Variants in DLD observed in about 807,000 individuals in gnomAD.
The protein encoded by DLD is dihydrolipoamide dehydrogenase, also known as dihydrolipoyl dehydrogenase, mitochondrial.
Under a neutral mutation model 62.2 loss-of-function variants are expected in DLD, and 36 were observed. The ratio of observed to expected loss-of-function variants is 0.58; its 90% CI spans 0.44 to 0.76. DLD has a LOEUF of 0.76. Among genes scored for constraint, DLD ranks in the 30% least tolerant of loss-of-function variants. The pLI, the probability that DLD is intolerant of heterozygous loss-of-function variation, is 0.00. For synonymous variants in DLD, 204 were observed against 199.6 expected (o/e 1.02, Z -0.19); for missense variants, 541 against 608.6 (o/e 0.89, Z 1.17).
intron 2 of DLD, among the ~76,000 whole-genome samples, chr7:107,895,178 T>A (rs961494184): frequency 1.3e-5 from 2 of 152,230 alleles, no homozygotes; most frequent in Non-Finnish European, 2.9e-5. Context: ...ACCTGTGTGC[T>A]GCTGTTCTCC....
intron 11 of DLD, 30 bp from the exon 12 acceptor site, chr7:107,917,894 A>G: frequency 6.2e-7 from 1 of 1,613,818 alleles, no homozygotes; most frequent in Non-Finnish European, 8.5e-7. Context: ...TCTGGCAGTT[A>G]CGTAGATTCT....
rs4564 is a variant in DLD, at chr7:107,919,466, G to A, written c.*207G>A. 297,281 of 476,566 alleles carry A rather than the reference G, an allele frequency of 0.62. 94,588 individuals are homozygous for A. The highest frequency in any genetic ancestry group is 0.86 in the East Asian group (22,948 of 26,614). The allele number at this position is 476,566 out of a possible 1,614,324, so 29.5% of individuals were successfully genotyped here. On this transcript the variant is annotated 3_prime_UTR_variant, in exon 14 of 14. Transcript: ENST00000205402. ...TAGTATTTTGTTTCAGTGCACTAAT[G>A]TGTAAGACAAAAAGCTACTTATTGT... is the stretch of plus-strand genomic sequence containing the variant.
chr7:107,904,838 A>C, intron 5 of DLD, 120 bp from the exon 6 acceptor site: 1 of 732,252 alleles, frequency 1.4e-6, no homozygotes, highest in Non-Finnish European at 2.4e-6. Flanking sequence ...TTACATTTTG[A>C]AACTTTAATA....
At chr7:107,899,396 A>G (rs973600595) in intron 2 of DLD, among the ~76,000 whole-genome samples, 6 of 151,568 alleles carry the variant, frequency 4.0e-5, no homozygotes, top group African/African-American at 1.2e-4. Flanking sequence ...TTACATAGTG[A>G]ATAGGGAAGT....
At chr7:107,909,218 C>A (rs184849182) in intron 8 of DLD, among the ~76,000 whole-genome samples, 1 of 152,258 alleles carries the variant, frequency 6.6e-6, no homozygotes, top group Non-Finnish European at 1.5e-5. Flanking sequence ...TTAATTTAAT[C>A]TTGTTCACTC....
intron 8 of DLD, among the ~76,000 whole-genome samples, chr7:107,907,231 T>A (rs927647802): frequency 6.6e-6 from 1 of 152,180 alleles, no homozygotes; most frequent in African/African-American, 2.4e-5. Flanking sequence ...CTGCCTTTTT[T>A]ATGCTATTTC....
At chr7:107,918,973 C>T in intron 12 of DLD, 37 bp from the exon 13 acceptor site, 2 of 1,578,510 alleles carry the variant, frequency 1.3e-6, no homozygotes, top group Non-Finnish European at 1.7e-6. Flanking sequence ...GTAGTTTTTG[C>T]CTTGGAAGCA....
At chr7:107,893,074 G>T in intron 1 of DLD, 126 bp from the exon 2 acceptor site, 1 of 609,676 alleles carries the variant, frequency 1.6e-6, no homozygotes, top group Non-Finnish European at 2.9e-6. Context: ...GTGTGGCAAT[G>T]GAAGAAGATA....
rs992452328 is a variant in DLD, at chr7:107,903,458, A to T, written c.268-20A>T. 3.5e-6 allele frequency: 5 copies of T among 1,409,788 alleles called. No individual in the cohort carries two copies. Among genetic ancestry groups the T allele is most frequent in the Non-Finnish European group, 5.0e-6 (5 of 995,840 alleles). The allele number at this position is 1,409,788 out of a possible 1,614,324, so 87.3% of individuals were successfully genotyped here. The stretch of plus-strand genomic sequence containing the variant: ...CTGTTTATGAATATTTGATAATTTG[A>T]TCTTTTTAATTTCCTTTAGGCTTTA... On this transcript the variant is annotated intron_variant, in intron 4 of 13. Coordinates refer to ENST00000205402, the MANE Select transcript of DLD (RefSeq NM_000108.5).
chr7:107,899,993 A>G (rs1294280991), intron 2 of DLD, among the ~76,000 whole-genome samples: 2 of 152,048 alleles, frequency 1.3e-5, no homozygotes, highest in East Asian at 1.9e-4. Context: ...ATAAAAATAC[A>G]TTTTATTAGA....
intron 11 of DLD, 111 bp from the exon 12 acceptor site, chr7:107,917,813 C>T (rs768206356): frequency 1.6e-5 from 23 of 1,419,994 alleles, no homozygotes; most frequent in South Asian, 3.5e-5. Flanking sequence ...ATGTGCTTTG[C>T]GAACAATTCC....
At chr7:107,917,863 T>C in intron 11 of DLD, 61 bp from the exon 12 acceptor site, 1 of 1,606,412 alleles carries the variant, frequency 6.2e-7, no homozygotes, top group Non-Finnish European at 8.5e-7. Flanking sequence ...GTAGATGATT[T>C]TACAAATTGG....
chr7:107,906,812 A>G (rs1046290304), intron 8 of DLD, among the ~76,000 whole-genome samples: 17 of 152,134 alleles, frequency 1.1e-4, no homozygotes, highest in Non-Finnish European at 2.5e-4. Context: ...TTTGAACACC[A>G]TGTTATTTTA....
Position 107,905,415 on chromosome 7 carries a change from A to G in DLD, c.493A>G (p.Thr165Ala), listed in dbSNP as rs1259855422. The change falls in exon 7 of 14, where the codon ACG (threonine) becomes GCG (alanine). Residue 165 changes from threonine (T) to alanine (A), a missense_variant. Coordinates refer to ENST00000205402, the MANE Select transcript of DLD (RefSeq NM_000108.5). ...KITGKNQVTA[T>A]KADGGTQVID... is the part of the protein sequence containing the mutation. ...AACTGGCAAAAATCAAGTCACTGCTACGAAAGCTGATGGCGGCACTCAGGT... is the reference window on the plus strand; with the variant it reads ...AACTGGCAAAAATCAAGTCACTGCTGCGAAAGCTGATGGCGGCACTCAGGT... The G allele has an allele frequency of 7.4e-6, 12 of 1,613,782 alleles. No homozygotes were observed. The highest frequency in any genetic ancestry group is 9.3e-6 in the Non-Finnish European group (11 of 1,179,812).
At chr7:107,893,022 G>A (rs532324047) in intron 1 of DLD, among the ~76,000 whole-genome samples, 178 bp from the exon 2 acceptor site, 1 of 152,290 alleles carries the variant, frequency 6.6e-6, no homozygotes, top group East Asian at 1.9e-4. Context: ...AAATTTAAAT[G>A]ATTAGTTATT....
chr7:107,903,700 A>G, intron 5 of DLD, 153 bp downstream of exon 5: 2 of 523,180 alleles, frequency 3.8e-6, no homozygotes, highest in Non-Finnish European at 6.9e-6. Context: ...GATTTACTTA[A>G]AAAAGAAGGC....
chr7:107,915,480 A>C, intron 8 of DLD, 26 bp from the exon 9 acceptor site: 1 of 1,611,180 alleles, frequency 6.2e-7, no homozygotes, highest in South Asian at 1.1e-5. Flanking sequence ...TTTTATGATT[A>C]TTGGGTTTTT....
At chr7:107,911,682 C>A (rs147671572) in intron 8 of DLD, among the ~76,000 whole-genome samples, 1 of 151,564 alleles carries the variant, frequency 6.6e-6, no homozygotes, top group African/African-American at 2.4e-5. Context: ...AGTAGTAACT[C>A]ACTGTGGGGT....
At chr7:107,905,613 T>A in intron 7 of DLD, 109 bp downstream of exon 7, 2 of 1,218,832 alleles carry the variant, frequency 1.6e-6, no homozygotes, top group East Asian at 2.3e-5. Flanking sequence ...TGAAATACTA[T>A]ATTTTGATGG....
Sources: allele counts gnomAD v4.1 joint callset (sites outside exome capture counted in the v4.1 genomes callset), GRCh38; gene constraint gnomAD v4.1.1; transcripts MANE v1.5; gene names NCBI Gene and HGNC (gene_info 2026-07-23, HGNC 2026-07-21).